Variants in FAM184B observed in about 807,000 individuals in gnomAD.
The protein encoded by FAM184B is protein FAM184B.
In FAM184B, 111 loss-of-function variants were observed where a neutral mutation model predicts 135.9. The observed-to-expected ratio is 0.82, with a 90% CI of 0.70 to 0.96. The LOEUF (loss-of-function observed/expected upper bound fraction) is 0.96, where lower values mean the gene tolerates loss of function less well. Among genes scored for constraint, FAM184B ranks in the 40% least tolerant of loss-of-function variants. The pLI is 0.00. For synonymous variants in FAM184B, 552 were observed against 524.8 expected (o/e 1.05, Z -0.71); for missense variants, 1,375 against 1,323.9 (o/e 1.04, Z -0.60).
At chr4:17,743,032 A>AT (rs1373302616) in intron 1 of FAM184B, among the ~76,000 whole-genome samples, 1 of 152,058 alleles carries the variant, frequency 6.6e-6, no homozygotes, top group Non-Finnish European at 1.5e-5. Context: ...TCCAGCATCC[A>AT]TTTACTCCAG....
intron 1 of FAM184B, among the ~76,000 whole-genome samples, chr4:17,764,971 T>G (rs565146261): frequency 6.6e-6 from 1 of 152,036 alleles, no homozygotes; most frequent in East Asian, 1.9e-4. Context: ...GAGGCTAAGG[T>G]GGGAGGATCA....
intron 1 of FAM184B, among the ~76,000 whole-genome samples, chr4:17,754,384 T>A (rs1196200464): frequency 6.6e-6 from 1 of 151,852 alleles, no homozygotes; most frequent in East Asian, 1.9e-4. Flanking sequence ...AAACCCCGTC[T>A]CTACTAAAAA....
chr4:17,760,073 T>C (rs1331300926), intron 1 of FAM184B, among the ~76,000 whole-genome samples: 8 of 152,112 alleles, frequency 5.3e-5, no homozygotes, highest in Non-Finnish European at 1.5e-5. Context: ...TTTCATGACA[T>C]ACAAATTATC....
chr4:17,731,492 G>A (rs1239420022), intron 1 of FAM184B, among the ~76,000 whole-genome samples: 1 of 152,004 alleles, frequency 6.6e-6, no homozygotes, highest in Non-Finnish European at 1.5e-5. Flanking sequence ...GATCTACCAA[G>A]CAAATGGAAA....
At chr4:17,756,100 C>G (rs1255601298) in intron 1 of FAM184B, among the ~76,000 whole-genome samples, 1 of 152,120 alleles carries the variant, frequency 6.6e-6, no homozygotes, top group African/African-American at 2.4e-5. Context: ...AATGACCTAG[C>G]AGCAATGAAC....
At chr4:17,647,467 C>T (rs1715500366) in intron 12 of FAM184B, among the ~76,000 whole-genome samples, 170 bp downstream of exon 12, 1 of 151,970 alleles carries the variant, frequency 6.6e-6, no homozygotes, top group South Asian at 2.1e-4. Flanking sequence ...CCTGGCTGGT[C>T]TTGAAATCCT....
intron 1 of FAM184B, among the ~76,000 whole-genome samples, chr4:17,711,602 A>G (rs1717273729): frequency 1.3e-5 from 2 of 152,112 alleles, no homozygotes; most frequent in Admixed American, 6.5e-5. Context: ...GATTGAGGCT[A>G]CAGTGAGCCG....
chr4:17,636,480 G>C (rs900660915), intron 15 of FAM184B, 48 bp downstream of exon 15: 36 of 1,429,800 alleles, frequency 2.5e-5, no homozygotes, highest in Non-Finnish European at 3.3e-5. Context: ...GGGGGAGCCC[G>C]CAGTGCCCGG....
chr4:17,742,153 TATATATA>T (rs1560190669), intron 1 of FAM184B, among the ~76,000 whole-genome samples: 1 of 81,454 alleles, frequency 1.2e-5, no homozygotes, highest in Non-Finnish European at 2.3e-5. Context: ...TATATATATA[TATATATA>T]TATATATATT....
At chr4:17,732,745 T>C (rs1717811725) in intron 1 of FAM184B, among the ~76,000 whole-genome samples, 1 of 152,194 alleles carries the variant, frequency 6.6e-6, no homozygotes, top group Admixed American at 6.5e-5. Context: ...ACAGCCAAAT[T>C]CTACCAGAGG....
intron 12 of FAM184B, among the ~76,000 whole-genome samples, chr4:17,647,252 CTT>C (rs3066609): frequency 0.53 from 68,075 of 128,630 alleles, 18,054 homozygotes; most frequent in East Asian, 0.85. Context: ...GAGCCCATCC[CTT>C]TTTTTTTTTT....
At chr4:17,734,632 T>C (rs1717865742) in intron 1 of FAM184B, among the ~76,000 whole-genome samples, 1 of 151,334 alleles carries the variant, frequency 6.6e-6, no homozygotes, top group African/African-American at 2.4e-5. Context: ...CACAATGAGA[T>C]ACCATCTCAC....
At chr4:17,744,759 C>G (rs549237528) in intron 1 of FAM184B, among the ~76,000 whole-genome samples, 5 of 152,154 alleles carry the variant, frequency 3.3e-5, no homozygotes, top group African/African-American at 1.2e-4. Flanking sequence ...CACCAACTGC[C>G]CTAGTTCCTG....
chr4:17,681,210 G>C (rs1390573241), intron 7 of FAM184B, among the ~76,000 whole-genome samples: 2 of 152,306 alleles, frequency 1.3e-5, no homozygotes, highest in South Asian at 2.1e-4. Flanking sequence ...TTGGGCCTTG[G>C]TTTCTCTGTA....
In FAM184B at chr4:17,735,634, G is replaced by A. The variant is rs541552373; in HGVS notation, c.142-25990C>T. ...ATAGTCAAAAAGCAAATCTAAGGAT[G>A]ACAAATATGAAAAAGAAACCCTTCT... is the stretch of plus-strand genomic sequence containing the variant. On this transcript the variant is annotated intron_variant, in intron 1 of 17. Transcript: ENST00000265018. Among the ~76,000 whole-genome samples, 178 of 150,182 alleles carry A rather than the reference G, an allele frequency of 1.2e-3. 1 individual carries two copies. The highest frequency in any genetic ancestry group is 4.3e-3 in the African/African-American group (170 of 39,650).
rs762801411 is a variant in FAM184B at position 17,709,580 on chromosome 4, G to C, written c.206C>G (p.Ala69Gly). The change falls in exon 2 of 18, where the codon GCG becomes GGG. Residue 69 changes from alanine (A) to glycine (G), a missense_variant. Ala to Gly is a moderately conservative substitution (Grantham distance 60). Coordinates refer to ENST00000265018, the MANE Select transcript of FAM184B (RefSeq NM_015688.2). ...CGCATTCTGGAGCTCCTCCTGGTGC[G>C]CTTCCCGCAGCGCCTCCATGCTGGC... ...AEASMEALRE[A>G]HQEELQNAVA... 389 of 1,546,724 alleles carry C rather than the reference G, an allele frequency of 2.5e-4. 1 individual carries two copies. The highest frequency in any genetic ancestry group is 4.5e-5 in the Non-Finnish European group (51 of 1,145,628).
chr4:17,729,896 T>A (rs1329773208), intron 1 of FAM184B, among the ~76,000 whole-genome samples: 1 of 152,002 alleles, frequency 6.6e-6, no homozygotes, highest in East Asian at 1.9e-4. Flanking sequence ...TCACCAGCAA[T>A]GGAACAAAGC....
chr4:17,770,304 C>A (rs999609999), intron 1 of FAM184B, among the ~76,000 whole-genome samples: 1 of 152,140 alleles, frequency 6.6e-6, no homozygotes, highest in Non-Finnish European at 1.5e-5. Context: ...AAGGCCAGTG[C>A]GGGCGTCATA....
chr4:17,766,466 A>C (rs1329104664), intron 1 of FAM184B, among the ~76,000 whole-genome samples: 5 of 152,062 alleles, frequency 3.3e-5, no homozygotes. Flanking sequence ...CAGAGTGCTG[A>C]TTGGTGCATT....
Sources: gnomAD v4.1 joint callset for allele counts (sites outside exome capture counted in the v4.1 genomes callset) on GRCh38, gnomAD v4.1.1 for gene constraint, MANE v1.5 for transcripts, NCBI Gene and HGNC (gene_info 2026-07-23, HGNC 2026-07-21) for gene names.